GRIN2D: variants seen among roughly 807,000 people sequenced by gnomAD.
GRIN2D encodes the protein glutamate receptor ionotropic, NMDA 2D.
Under a neutral mutation model 103.2 loss-of-function variants are expected in GRIN2D, and 37 were observed. That is an observed-to-expected ratio of 0.36 (90% CI 0.28 to 0.47). GRIN2D has a LOEUF of 0.47. GRIN2D is among the 20% of genes least tolerant of loss of function. The pLI, the probability that GRIN2D is intolerant of heterozygous loss-of-function variation, is 1.00. For synonymous variants in GRIN2D, 845 were observed against 885.6 expected (o/e 0.95, Z 0.81); for missense variants, 1,557 against 1,910.6 (o/e 0.81, Z 3.45).
At chr19:48,436,954 AAG>A (rs1322303484) in intron 11 of GRIN2D, among the ~76,000 whole-genome samples, 1 of 152,134 alleles carries the variant, frequency 6.6e-6, no homozygotes, top group Non-Finnish European at 1.5e-5. Flanking sequence ...GAGGGGAGCC[AAG>A]AGGGGGTGGT....
At chr19:48,416,256 G>A (rs554243091) in intron 8 of GRIN2D, 101 bp downstream of exon 8, 3 of 1,036,406 alleles carry the variant, frequency 2.9e-6, no homozygotes, top group South Asian at 3.0e-5. Flanking sequence ...CGGTATCATC[G>A]GTACTTGAAC....
chr19:48,437,178 T>A (rs1971242555), intron 11 of GRIN2D, among the ~76,000 whole-genome samples: 1 of 152,158 alleles, frequency 6.6e-6, no homozygotes, highest in Non-Finnish European at 1.5e-5. Flanking sequence ...CTGGAGTACA[T>A]GGCACAATCA....
In GRIN2D at chr19:48,442,324, G is replaced by A. The variant is rs750543659; in HGVS notation, c.2615G>A (p.Arg872His). 9 of 1,613,732 alleles carry A rather than the reference G, an allele frequency of 5.6e-6. No individual in the cohort carries two copies. The highest frequency in any genetic ancestry group is 1.7e-6 in the Non-Finnish European group (2 of 1,180,000). The change falls in exon 13 of 14, where the codon CGC becomes CAC. Residue 872 changes from arginine (R) to histidine (H), a missense_variant. Transcript: ENST00000263269. The surrounding 1 kb of genome is among the most constrained non-coding windows in gnomAD (Gnocchi z 7.2). ...VFAWEHLVYW[R>H]LRHCLGPTHR... ...GCCTGGGAGCACCTGGTGTACTGGC[G>A]CCTGCGGCACTGCCTGGGGCCCACC...
Position 48,442,556 on chromosome 19 carries a change from C to G in GRIN2D, c.2674-44C>G. The G allele has an allele frequency of 6.8e-7, 1 of 1,477,530 alleles. No individual in the cohort carries two copies. Among genetic ancestry groups the G allele is most frequent in the Non-Finnish European group, 8.9e-7 (1 of 1,120,020 alleles). 91.5% of individuals were successfully genotyped at this position (1,477,530 alleles called of 1,614,324 possible). ...GACTGAGGGGAGGCGGGCAGGCGTC[C>G]TGGGCATCTCGCGCTGACCCCCGTC... On this transcript the variant is annotated intron_variant, in intron 13 of 13. Transcript: ENST00000263269. The surrounding 1 kb of genome is among the most constrained non-coding windows in gnomAD (Gnocchi z 7.2).
chr19:48,407,802 C>A (rs987523079), intron 4 of GRIN2D, among the ~76,000 whole-genome samples: 2 of 152,128 alleles, frequency 1.3e-5, no homozygotes, highest in African/African-American at 4.8e-5. Flanking sequence ...CTATGAAAAT[C>A]AAACTGGGGA....
chr19:48,407,644 T>G (rs1254746368), intron 4 of GRIN2D, among the ~76,000 whole-genome samples: 1 of 152,236 alleles, frequency 6.6e-6, no homozygotes, highest in Non-Finnish European at 1.5e-5. Flanking sequence ...ATTGAAAGTC[T>G]GCTATGTGCC....
intron 4 of GRIN2D, among the ~76,000 whole-genome samples, chr19:48,412,580 G>A (rs909023281): frequency 1.3e-5 from 2 of 151,718 alleles, no homozygotes; most frequent in Non-Finnish European, 1.5e-5. Context: ...CTGAGGTCAT[G>A]AGTTCGAGAC....
Position 48,404,816 on chromosome 19 carries a change from A to G in GRIN2D, c.548A>G (p.Asp183Gly). ...QVIFEVLEEY[D>G]WTSFVAVTTR... The stretch of plus-strand genomic sequence containing the variant: ...ATCTTTGAGGTGCTGGAGGAGTATG[A>G]CTGGACGTCCTTTGTAGCCGTGACC... Residue 183 changes from aspartate to glycine, a missense_variant, in exon 4 of 14, where the codon GAC becomes GGC. Coordinates refer to ENST00000263269, the MANE Select transcript of GRIN2D (RefSeq NM_000836.4). 6.2e-7 allele frequency: 1 copy of G among 1,614,056 alleles called. No individual in the cohort carries two copies. Among genetic ancestry groups the G allele is most frequent in the Non-Finnish European group, 8.5e-7 (1 of 1,180,006 alleles).
chr19:48,404,958 C>A lies in GRIN2D; in HGVS notation c.690C>A (p.Ala230=). The change falls in exon 4 of 14, where the codon GCC becomes GCA. Residue 230 remains alanine (A), a synonymous_variant. Coordinates refer to ENST00000263269, the MANE Select transcript of GRIN2D (RefSeq NM_000836.4). ...ALTLDPGAGE[A]VLSAQLRSVS... is the part of the protein sequence containing the mutation. ...CGCTGGACCCTGGGGCGGGCGAGGC[C>A]GTGCTCAGTGCCCAGCTCCGCAGTG... 1 of 1,612,412 alleles carries A rather than the reference C, an allele frequency of 6.2e-7. No individual in the cohort carries two copies. The highest frequency in any genetic ancestry group is 8.5e-7 in the Non-Finnish European group (1 of 1,179,558).
chr19:48,396,899 G>A (rs974687952), intron 2 of GRIN2D, among the ~76,000 whole-genome samples: 19 of 152,070 alleles, frequency 1.2e-4, no homozygotes, highest in South Asian at 4.1e-4. Flanking sequence ...CCCCTAGTGC[G>A]GACTCCAGTC....
intron 3 of GRIN2D, among the ~76,000 whole-genome samples, chr19:48,400,340 G>T (rs1970696135): frequency 6.6e-6 from 1 of 152,220 alleles, no homozygotes; most frequent in Non-Finnish European, 1.5e-5. Context: ...CGGGCCTGTG[G>T]CTGTGTGACT....
At position 48,416,021 on chromosome 19, in the gene GRIN2D, A is replaced by G; in HGVS notation, c.1601A>G (p.Asp534Gly). 6.2e-7 allele frequency: 1 copy of G among 1,613,830 alleles called. No homozygotes were observed. Among genetic ancestry groups the G allele is most frequent in the Non-Finnish European group, 8.5e-7 (1 of 1,179,938 alleles). Residue 534 changes from aspartate (D) to glycine (G), a missense_variant, in exon 8 of 14, where the codon GAC (aspartate) becomes GGC (glycine). Asp to Gly is a moderately conservative substitution (Grantham distance 94). Around this residue, in one of 7 missense-constraint regions of GRIN2D, gnomAD observed 197 missense variants for 334.1 expected, o/e 0.59. Transcript: ENST00000263269. ...MIGEVFYQRA[D>G]MAIGSLTINE... ...CCCCAGGTGTTCTACCAGCGCGCAG[A>G]CATGGCCATCGGCTCCCTCACCATC...
chr19:48,439,017 C>T (rs1180307270), intron 11 of GRIN2D, among the ~76,000 whole-genome samples: 1 of 146,782 alleles, frequency 6.8e-6, no homozygotes, highest in African/African-American at 2.5e-5. Flanking sequence ...TGGGCTCAGG[C>T]GATCCTCCTG....
At chr19:48,438,946 T>C (rs1214631968) in intron 11 of GRIN2D, among the ~76,000 whole-genome samples, 2 of 138,082 alleles carry the variant, frequency 1.4e-5, no homozygotes, top group South Asian at 4.6e-4. Context: ...ACCTGGCTAA[T>C]TTTTTTTTTT....
In GRIN2D at chr19:48,412,421, A is replaced by AAAAGAAAAGAAAG. The variant is rs1555892636; in HGVS notation, c.1086-1563_1086-1562insAGAAAGAAAGAAA. On this transcript the variant is annotated intron_variant, in intron 4 of 13. Transcript: ENST00000263269. ...AGAAAAGAAAGAAAGAAAGAGAAAGAAAAGAAAGAAAGAAAGAAAGAAAGA... is the reference window on the plus strand; with the variant it reads ...AGAAAAGAAAGAAAGAAAGAGAAAGAAAAGAAAAGAAAGAAAGAAAGAAAGAAAGAAAGAAAGA... Among the ~76,000 whole-genome samples, 3 of 123,436 alleles carry AAAAGAAAAGAAAG rather than the reference A, an allele frequency of 2.4e-5. No individual in the cohort carries two copies. The East Asian group carries it at 7.2e-4, about 30-fold the overall frequency. The allele number at this position is 123,436 out of a possible 152,430, so 81.0% of individuals were successfully genotyped here. A position where few individuals can be genotyped will look rare whatever the true frequency, so the allele number is the denominator to read the frequency against.
chr19:48,438,287 C>CTTTTTTTTTTTTT lies in GRIN2D; in HGVS notation c.2253-3465_2253-3453dup, dbSNP rs71181697. On this transcript the variant is annotated intron_variant, in intron 11 of 13. Coordinates refer to ENST00000263269, the MANE Select transcript of GRIN2D (RefSeq NM_000836.4). ...TCTCTTCAACTCAGCATCCAGCCGC[C>CTTTTTTTTTTTTT]TTTTTTTTTTTTTTTTTTTTTTTTT... is the stretch of plus-strand genomic sequence containing the variant. Among the ~76,000 whole-genome samples the CTTTTTTTTTTTTT allele has an allele frequency of 2.9e-3, 165 of 57,748 alleles. 26 individuals are homozygous for CTTTTTTTTTTTTT. Among genetic ancestry groups the CTTTTTTTTTTTTT allele is most frequent in the African/African-American group, 8.2e-3 (108 of 13,222 alleles). 37.9% of individuals were successfully genotyped at this position (57,748 alleles called of 152,430 possible). A position where few individuals can be genotyped will look rare whatever the true frequency, so the allele number is the denominator to read the frequency against.
At chr19:48,431,253 T>C (rs1600989866) in intron 11 of GRIN2D, among the ~76,000 whole-genome samples, 1 of 152,236 alleles carries the variant, frequency 6.6e-6, no homozygotes, top group East Asian at 1.9e-4. Flanking sequence ...GTAGCACAAA[T>C]TCTAACTCTT....
chr19:48,405,486 G>A lies in GRIN2D; in HGVS notation c.1085+133G>A. 4.4e-6 allele frequency: 4 copies of A among 905,284 alleles called. No individual in the cohort carries two copies. Among genetic ancestry groups the A allele is most frequent in the Non-Finnish European group, 6.3e-6 (4 of 635,944 alleles). The allele number at this position is 905,284 out of a possible 1,614,324, so 56.1% of individuals were successfully genotyped here. ...CAGTTTTCTTTTCTGTAAAGTGGGT[G>A]CAATTGGGTCTCTTTTCTGAGGTTA... On this transcript the variant is annotated intron_variant, in intron 4 of 13. Transcript: ENST00000263269. The surrounding 1 kb of genome is among the most constrained non-coding windows in gnomAD (Gnocchi z 5.1).
intron 11 of GRIN2D, among the ~76,000 whole-genome samples, chr19:48,428,580 C>T (rs529596090): frequency 6.3e-4 from 96 of 152,174 alleles, no homozygotes; most frequent in Non-Finnish European, 1.1e-3. Flanking sequence ...TCAGGCTGGT[C>T]TCAAACTCCC....
Sources: gnomAD v4.1 joint callset for allele counts (sites outside exome capture counted in the v4.1 genomes callset) on GRCh38, gnomAD v4.1.1 for gene constraint, gnomAD v4.1.1 regional missense constraint, Gnocchi (gnomAD v3.1) non-coding constraint, MANE v1.5 for transcripts, NCBI Gene and HGNC (gene_info 2026-07-23, HGNC 2026-07-21) for gene names.